The following WWOX variants were observed in gnomAD, a reference collection of about 807,000 sequenced individuals.
The protein encoded by WWOX is WW domain-containing oxidoreductase.
WWOX carries 69 observed loss-of-function variants against 46.2 expected under a neutral mutation model. That is an observed-to-expected ratio of 1.49 (90% CI 1.23 to 1.82). WWOX has a LOEUF of 1.82. Ranked by LOEUF, WWOX falls within the 40% of genes most tolerant of loss-of-function variation. The pLI, the probability that WWOX is intolerant of heterozygous loss-of-function variation, is 0.00. For synonymous variants in WWOX, 359 were observed against 202.6 expected, an observed-to-expected ratio of 1.77 and a Z score of -6.56; for missense variants, 919 against 542.6, an observed-to-expected ratio of 1.69 and a Z score of -6.89.
At chr16:78,613,152 A>G (rs181409229) in intron 8 of WWOX, among the ~76,000 whole-genome samples, 1 of 152,242 alleles carries the variant, frequency 6.6e-6, no homozygotes, top group Non-Finnish European at 1.5e-5. Context: ...ATGACAAGTG[A>G]GGACTCCCCT....
chr16:78,936,473 G>A lies in WWOX; in HGVS notation c.1057-275135G>A, dbSNP rs543416708. Among the ~76,000 whole-genome samples the A allele has an allele frequency of 7.8e-4, 118 of 152,108 alleles. 1 individual carries two copies. Among genetic ancestry groups the A allele is most frequent in the African/African-American group, 2.6e-3 (109 of 41,500 alleles). ...GCTTAGCTACTCAGTGAATAAATAG[G>A]TACATAAGTGCTTGCTAGCAAGCAG... On this transcript the variant is annotated intron_variant, in intron 8 of 8. Coordinates refer to ENST00000566780, the MANE Select transcript of WWOX (RefSeq NM_016373.4).
Position 78,882,600 on chromosome 16 carries a change from CGAGTAG to C in WWOX, c.1057-329007_1057-329002del, listed in dbSNP as rs1408022109. Among the ~76,000 whole-genome samples, 288 of 33,438 alleles carry C rather than the reference CGAGTAG, an allele frequency of 8.6e-3. 2 individuals carry two copies. Among genetic ancestry groups the C allele is most frequent in the African/African-American group, 0.032 (235 of 7,242 alleles). The allele number at this position is 33,438 out of a possible 152,430, so 21.9% of individuals were successfully genotyped here. On this transcript the variant is annotated intron_variant, in intron 8 of 8. Transcript: ENST00000566780. Reference sequence around the variant, plus strand: ...CAAGTGATCCTCTCTCCTCGCCTCCCGAGTAGCCTCCCGAGTAGCTGGGATTACAGG... The same window carrying C: ...CAAGTGATCCTCTCTCCTCGCCTCCCCCTCCCGAGTAGCTGGGATTACAGG...
intron 5 of WWOX, among the ~76,000 whole-genome samples, chr16:78,352,836 A>G (rs1455702618): frequency 6.6e-6 from 1 of 152,184 alleles, no homozygotes; most frequent in African/African-American, 2.4e-5. Context: ...GCAGAGTTAG[A>G]TAGATCCTTC....
At chr16:79,027,807 G>C (rs1196524490) in intron 8 of WWOX, among the ~76,000 whole-genome samples, 1 of 151,762 alleles carries the variant, frequency 6.6e-6, no homozygotes, top group African/African-American at 2.4e-5. Flanking sequence ...TCTCGGGATG[G>C]TTTTTGTGGT....
intron 8 of WWOX, among the ~76,000 whole-genome samples, chr16:78,634,837 AGTGTGTGTGTGT>A (rs59374463): frequency 2.8e-4 from 31 of 111,784 alleles, no homozygotes; most frequent in East Asian, 9.5e-4. Context: ...AGAGAGAGAG[AGTGTGTGTGTGT>A]GTGTGTGTGT....
At chr16:78,107,223 C>T (rs1262015999) in intron 1 of WWOX, among the ~76,000 whole-genome samples, 1 of 152,180 alleles carries the variant, frequency 6.6e-6, no homozygotes, top group East Asian at 1.9e-4. Context: ...CTTGTAGCAC[C>T]TGGCTGTTTC....
In WWOX at chr16:79,094,279, G is replaced by T. The variant is rs185326391; in HGVS notation, c.1057-117329G>T. ...TTTTTTCTTTTTTTCTTTGATACGG[G>T]GTCTCGCTCTGTCTCCCAGGCTGGA... On this transcript the variant is annotated intron_variant, in intron 8 of 8. Transcript: ENST00000566780. Among the ~76,000 whole-genome samples the T allele has an allele frequency of 4.8e-3, 726 of 150,300 alleles. 3 individuals carry two copies. The highest frequency in any genetic ancestry group is 8.9e-3 in the Non-Finnish European group (602 of 67,676).
intron 4 of WWOX, chr16:78,119,177 A>G (rs769701106): frequency 5.3e-5 from 8 of 152,236 alleles, no homozygotes; most frequent in Non-Finnish European, 1.2e-4. Context: ...AGGAAGGGCC[A>G]GGTGTTTTAC....
Position 79,025,961 on chromosome 16 carries a change from G to T in WWOX, c.1057-185647G>T, listed in dbSNP as rs1441541619. Among the ~76,000 whole-genome samples, 4 of 148,810 alleles carry T rather than the reference G, an allele frequency of 2.7e-5. 1 individual carries two copies. Among genetic ancestry groups the T allele is most frequent in the African/African-American group, 1.0e-4 (4 of 38,430 alleles). Reference sequence around the variant, plus strand: ...TAATAGGTGCCTATCACCACGCCGAGCTAATGTTTTTGGATTTTTAGTAGA... The same window carrying T: ...TAATAGGTGCCTATCACCACGCCGATCTAATGTTTTTGGATTTTTAGTAGA... On this transcript the variant is annotated intron_variant, in intron 8 of 8. Transcript: ENST00000566780.
chr16:78,170,589 T>G (rs969626900), intron 5 of WWOX, among the ~76,000 whole-genome samples: 7 of 152,252 alleles, frequency 4.6e-5, no homozygotes, highest in African/African-American at 1.7e-4. Flanking sequence ...TCTGTCTTCA[T>G]ATGTCTGGAC....
At chr16:79,079,197 T>A (rs2048715131) in intron 8 of WWOX, among the ~76,000 whole-genome samples, 1 of 152,192 alleles carries the variant, frequency 6.6e-6, no homozygotes, top group South Asian at 2.1e-4. Flanking sequence ...ACCACCACCT[T>A]TATTTTTAGC....
rs765872949 is a variant in WWOX at position 78,366,067 on chromosome 16, G to A, written c.517-20793G>A. 7.8e-4 allele frequency among the ~76,000 whole-genome samples: 119 copies of A among 152,286 alleles called. 1 individual carries two copies. The Middle Eastern group carries it at 0.01, about 13-fold the overall frequency. ...TACATCTTTCGGCCCATTGGAAAATGTCTGTTCTTAGCACCCTAAATGCCC... is the reference window on the plus strand; with the variant it reads ...TACATCTTTCGGCCCATTGGAAAATATCTGTTCTTAGCACCCTAAATGCCC... On this transcript the variant is annotated intron_variant, in intron 5 of 8. Transcript: ENST00000566780.
intron 8 of WWOX, among the ~76,000 whole-genome samples, chr16:78,875,366 T>G (rs1441691582): frequency 6.6e-6 from 1 of 152,190 alleles, no homozygotes; most frequent in East Asian, 1.9e-4. Context: ...ATGCTCCCAG[T>G]ATATAAGACA....
chr16:78,444,820 G>A (rs535960215), intron 8 of WWOX, among the ~76,000 whole-genome samples: 6 of 152,024 alleles, frequency 3.9e-5, no homozygotes, highest in Admixed American at 6.6e-5. Flanking sequence ...GTGAGCCACC[G>A]CACCCGGCCT....
chr16:78,938,981 G>C (rs985962466), intron 8 of WWOX, among the ~76,000 whole-genome samples: 1 of 152,202 alleles, frequency 6.6e-6, no homozygotes, highest in African/African-American at 2.4e-5. Context: ...TAATGACATG[G>C]TTTAGATTGA....
chr16:79,157,575 T>C lies in WWOX; in HGVS notation c.1057-54033T>C, dbSNP rs376913921. Among the ~76,000 whole-genome samples, 6 of 152,292 alleles carry C rather than the reference T, an allele frequency of 3.9e-5. No individual in the cohort carries two copies. The East Asian group carries it at 9.6e-4, about 24-fold the overall frequency. On this transcript the variant is annotated intron_variant, in intron 8 of 8. Coordinates refer to ENST00000566780, the MANE Select transcript of WWOX (RefSeq NM_016373.4). Reference sequence around the variant, plus strand: ...GTAATCAGTAGTTTTTATTATTTGGTGCACGATGAAACTGGCTATCTGGAG... The same window carrying C: ...GTAATCAGTAGTTTTTATTATTTGGCGCACGATGAAACTGGCTATCTGGAG...
At chr16:78,858,787 T>G (rs776910926) in intron 8 of WWOX, among the ~76,000 whole-genome samples, 2 of 151,690 alleles carry the variant, frequency 1.3e-5, no homozygotes, top group Non-Finnish European at 2.9e-5. Flanking sequence ...TAAGTGATTC[T>G]CCCATCTCAG....
chr16:78,906,880 C>A (rs1427385227), intron 8 of WWOX, among the ~76,000 whole-genome samples: 1 of 152,144 alleles, frequency 6.6e-6, no homozygotes, highest in African/African-American at 2.4e-5. Context: ...CTCCATGGTG[C>A]TCTCATTGTT....
intron 8 of WWOX, among the ~76,000 whole-genome samples, chr16:79,019,914 T>C (rs1486362283): frequency 6.6e-6 from 1 of 152,228 alleles, no homozygotes; most frequent in Non-Finnish European, 1.5e-5. Flanking sequence ...GGGGTAAATA[T>C]ACTTAATTCA....
Sources: allele counts gnomAD v4.1 joint callset (sites outside exome capture counted in the v4.1 genomes callset), GRCh38; gene constraint gnomAD v4.1.1; transcripts MANE v1.5; gene names NCBI Gene and HGNC (gene_info 2026-07-23, HGNC 2026-07-21).